The following DNAH11 variants were observed in gnomAD, a reference collection of about 807,000 sequenced individuals.
The protein encoded by DNAH11 is axonemal beta dynein heavy chain 11.
DNAH11 carries 442 observed loss-of-function variants against 526.0 expected under a neutral mutation model. The ratio of observed to expected loss-of-function variants is 0.84; its 90% CI spans 0.78 to 0.91. DNAH11 has a LOEUF of 0.91. DNAH11 is among the 40% of genes least tolerant of loss of function. The pLI is 0.00. For synonymous variants in DNAH11, 2,461 were observed against 1,935.9 expected (o/e 1.27, Z -7.12); for missense variants, 6,989 against 5,448.7 (o/e 1.28, Z -8.90).
chr7:21,780,138 C>T (rs532616835), intron 57 of DNAH11, among the ~76,000 whole-genome samples: 3 of 65,740 alleles, frequency 4.6e-5, no homozygotes, highest in East Asian at 1.4e-3. Flanking sequence ...AAGATTATGG[C>T]ATTAAAATTG....
chr7:21,590,945 T>C lies in DNAH11; in HGVS notation c.2197T>C (p.Tyr733His), dbSNP rs1242488900. The change falls in exon 13 of 82, where the codon TAT becomes CAT. Residue 733 changes from tyrosine (Y) to histidine (H), a missense_variant. Physicochemically the swap from Tyr to His is moderately conservative, Grantham distance 83 (BLOSUM62 2). Coordinates refer to ENST00000409508, the MANE Select transcript of DNAH11 (RefSeq NM_001277115.2). ...KLVAVLREVK[Y>H]LLMLKKQDIP... Reference sequence around the variant, plus strand: ...AGTGGCTGTATTGAGAGAAGTGAAATATCTTTTGATGTTGAAGAAACAAGA... The same window carrying C: ...AGTGGCTGTATTGAGAGAAGTGAAACATCTTTTGATGTTGAAGAAACAAGA... The C allele has an allele frequency of 2.0e-6, 3 of 1,495,438 alleles. No individual in the cohort carries two copies. The highest frequency in any genetic ancestry group is 2.7e-6 in the Non-Finnish European group (3 of 1,131,998). 92.6% of individuals were successfully genotyped at this position (1,495,438 alleles called of 1,614,324 possible).
At chr7:21,615,878 C>CA (rs1351989079) in intron 21 of DNAH11, among the ~76,000 whole-genome samples, 1 of 152,134 alleles carries the variant, frequency 6.6e-6, no homozygotes, top group East Asian at 1.9e-4. Context: ...TATTTAGTTA[C>CA]ATGTAGAATT....
chr7:21,741,574 T>A (rs1482345272), intron 48 of DNAH11, among the ~76,000 whole-genome samples: 3 of 152,170 alleles, frequency 2.0e-5, no homozygotes, highest in Non-Finnish European at 2.9e-5. Context: ...TCTGTGCATG[T>A]TGGGGATAAA....
chr7:21,718,444 G>A (rs901997488), intron 43 of DNAH11, among the ~76,000 whole-genome samples: 2 of 152,246 alleles, frequency 1.3e-5, no homozygotes, highest in Non-Finnish European at 2.9e-5. Flanking sequence ...TACCACCTAG[G>A]TGCCACCACT....
intron 25 of DNAH11, among the ~76,000 whole-genome samples, chr7:21,628,140 A>T (rs946350866): frequency 6.6e-6 from 1 of 151,806 alleles, no homozygotes; most frequent in Non-Finnish European, 1.5e-5. Context: ...TCTACTTTGT[A>T]TTCTGCAACT....
intron 45 of DNAH11, among the ~76,000 whole-genome samples, chr7:21,727,802 G>A (rs1785195875): frequency 1.3e-5 from 2 of 152,182 alleles, no homozygotes; most frequent in African/African-American, 4.8e-5. Flanking sequence ...AGACCAGGTG[G>A]CACAAACAAT....
intron 63 of DNAH11, 64 bp downstream of exon 63, chr7:21,808,113 C>G: frequency 7.8e-7 from 1 of 1,286,420 alleles, no homozygotes; most frequent in Non-Finnish European, 1.0e-6. Flanking sequence ...AGTAGTAAAA[C>G]CCACATATAT....
intron 42 of DNAH11, among the ~76,000 whole-genome samples, chr7:21,712,819 GCTAA>G (rs1784510107): frequency 6.6e-6 from 1 of 152,116 alleles, no homozygotes; most frequent in African/African-American, 2.4e-5. Flanking sequence ...TACATTTAAG[GCTAA>G]CTAATTAGGC....
intron 1 of DNAH11, chr7:21,543,824 A>G (rs923002177): frequency 5.3e-6 from 3 of 567,920 alleles, no homozygotes; most frequent in Admixed American, 6.8e-5. Context: ...TCTGACCGAG[A>G]ATCCCGCGTT....
intron 65 of DNAH11, among the ~76,000 whole-genome samples, chr7:21,830,054 C>T (rs1163850639): frequency 1.3e-5 from 2 of 152,146 alleles, no homozygotes; most frequent in Non-Finnish European, 2.9e-5. Flanking sequence ...TTTGAATAAA[C>T]ATTGAAAGCA....
At chr7:21,595,954 G>A (rs184377223) in intron 14 of DNAH11, among the ~76,000 whole-genome samples, 28 of 152,294 alleles carry the variant, frequency 1.8e-4, no homozygotes, top group African/African-American at 6.3e-4. Context: ...ACAGGAAGCC[G>A]AGTGAAGAAA....
chr7:21,715,532 T>TTAGTA (rs1192747394), intron 42 of DNAH11, among the ~76,000 whole-genome samples: 2 of 152,158 alleles, frequency 1.3e-5, no homozygotes, highest in Admixed American at 1.3e-4. Context: ...ATATGCCATT[T>TTAGTA]TAGTATGCCA....
chr7:21,674,085 A>C (rs1466329496), intron 30 of DNAH11, among the ~76,000 whole-genome samples: 1 of 149,720 alleles, frequency 6.7e-6, no homozygotes, highest in Non-Finnish European at 1.5e-5. Flanking sequence ...TTTTTCATGG[A>C]GTTTCACCCT....
intron 23 of DNAH11, among the ~76,000 whole-genome samples, chr7:21,618,835 G>A (rs1044129384): frequency 6.6e-6 from 1 of 152,120 alleles, no homozygotes; most frequent in African/African-American, 2.4e-5. Flanking sequence ...GATAAGAAAC[G>A]TGCCGACAAG....
rs1406267088 is a variant in DNAH11 at position 21,750,268 on chromosome 7, T to A, written c.8844T>A (p.Ile2948=). Residue 2948 remains isoleucine, a synonymous_variant, in exon 54 of 82, where the codon ATT becomes ATA. Coordinates refer to ENST00000409508, the MANE Select transcript of DNAH11 (RefSeq NM_001277115.2). The part of the protein sequence containing the change: ...LFSDEDVDKI[I]SGIHNEVHAL... ...GCGATGAAGATGTGGACAAGATAAT[T>A]TCTGGAATTCATAATGAAGTTCATG... 1 of 1,605,354 alleles carries A rather than the reference T, an allele frequency of 6.2e-7. No homozygotes were observed. Among genetic ancestry groups the A allele is most frequent in the South Asian group, 1.1e-5 (1 of 88,886 alleles).
At chr7:21,793,904 G>A (rs1788589517) in intron 61 of DNAH11, among the ~76,000 whole-genome samples, 2 of 152,130 alleles carry the variant, frequency 1.3e-5, no homozygotes, top group Non-Finnish European at 2.9e-5. Flanking sequence ...TCCAGTGACT[G>A]TTAGATGTGC....
At chr7:21,865,501 G>A (rs1266793811) in intron 70 of DNAH11, among the ~76,000 whole-genome samples, 1 of 152,094 alleles carries the variant, frequency 6.6e-6, no homozygotes, top group Non-Finnish European at 1.5e-5. Context: ...AATCAACCAG[G>A]GGATGGGGAA....
At chr7:21,619,731 A>G (rs1785948806) in intron 24 of DNAH11, among the ~76,000 whole-genome samples, 1 of 152,178 alleles carries the variant, frequency 6.6e-6, no homozygotes, top group South Asian at 2.1e-4. Flanking sequence ...ATAAACTCAC[A>G]TTCAGTAGAA....
intron 31 of DNAH11, among the ~76,000 whole-genome samples, chr7:21,682,640 G>A (rs1783192550): frequency 6.6e-6 from 1 of 151,658 alleles, no homozygotes. Context: ...ATTTACAAAA[G>A]TCAGGAGTAT....
Sources: allele counts gnomAD v4.1 joint callset (sites outside exome capture counted in the v4.1 genomes callset), GRCh38; gene constraint gnomAD v4.1.1; transcripts MANE v1.5; gene names NCBI Gene and HGNC (gene_info 2026-07-23, HGNC 2026-07-21).